Variants in PHYHIPL observed in about 807,000 individuals in gnomAD.
PHYHIPL encodes the protein phytanoyl-CoA hydroxylase-interacting protein-like.
In PHYHIPL, 9 loss-of-function variants were observed where a neutral mutation model predicts 33.4. The observed-to-expected ratio is 0.27, with a 90% CI of 0.16 to 0.47. The LOEUF (loss-of-function observed/expected upper bound fraction) is 0.47. Ranked by LOEUF, PHYHIPL falls within the 20% of genes least tolerant of loss-of-function variation. The probability of loss-of-function intolerance (pLI) is 0.99; values close to 1 mark genes in which losing one functional copy is unlikely to be tolerated. For synonymous variants in PHYHIPL, 153 were observed against 154.1 expected, an observed-to-expected ratio of 0.99 and a Z score of 0.05; for missense variants, 365 against 460.7, an observed-to-expected ratio of 0.79 and a Z score of 1.90.
At position 59,176,707 on chromosome 10, in the gene PHYHIPL, C is replaced by A. The variant is rs530238762; in HGVS notation, c.-147C>A. On this transcript the variant is annotated 5_prime_UTR_variant, in exon 1 of 5. Transcript: ENST00000373880. Reference sequence around the variant, plus strand: ...CCTTCGCGGCGGCTCTCCAGCCCCGCGCCTCAGCCTCGGCGCCGCATCACC... The same window carrying A: ...CCTTCGCGGCGGCTCTCCAGCCCCGAGCCTCAGCCTCGGCGCCGCATCACC... The A allele has an allele frequency of 1.4e-6, 1 of 689,740 alleles. No homozygotes were observed. Among genetic ancestry groups the A allele is most frequent in the Non-Finnish European group, 2.4e-6 (1 of 423,082 alleles). The allele number at this position is 689,740 out of a possible 1,614,324, so 42.7% of individuals were successfully genotyped here.
chr10:59,236,210 A>G (rs1256853150), intron 2 of PHYHIPL, among the ~76,000 whole-genome samples: 2 of 151,930 alleles, frequency 1.3e-5, no homozygotes, highest in African/African-American at 2.4e-5. Flanking sequence ...AAGAGATTTA[A>G]ATATAATAAT....
intron 1 of PHYHIPL, among the ~76,000 whole-genome samples, chr10:59,186,752 T>G (rs1178402413): frequency 2.0e-5 from 3 of 152,214 alleles, no homozygotes; most frequent in Non-Finnish European, 4.4e-5. Flanking sequence ...ACTCATGATT[T>G]GGCTCTCTGT....
chr10:59,238,048 C>T (rs1358322237), intron 3 of PHYHIPL, among the ~76,000 whole-genome samples: 1 of 151,758 alleles, frequency 6.6e-6, no homozygotes, highest in Non-Finnish European at 1.5e-5. Context: ...AAATGTTTCC[C>T]TAGTTTCTGG....
intron 1 of PHYHIPL, among the ~76,000 whole-genome samples, chr10:59,224,460 C>CAA (rs1839864003): frequency 7.4e-6 from 1 of 134,718 alleles, no homozygotes; most frequent in South Asian, 2.4e-4. Flanking sequence ...CTCAAGGAAA[C>CAA]AAAACAAAAC....
At position 59,246,549 on chromosome 10, in the gene PHYHIPL, T is replaced by A; in HGVS notation, c.*958T>A. On this transcript the variant is annotated 3_prime_UTR_variant, in exon 5 of 5. Transcript: ENST00000373880. ...AAAATGTTGACCTTTTACTTCCTTT[T>A]ACAAAAATGAAAATAATAAACATGT... 2.5e-6 allele frequency: 1 copy of A among 395,114 alleles called. No individual in the cohort carries two copies. Among genetic ancestry groups the A allele is most frequent in the Non-Finnish European group, 4.5e-6 (1 of 223,586 alleles). 24.5% of individuals were successfully genotyped at this position (395,114 alleles called of 1,614,324 possible).
intron 3 of PHYHIPL, among the ~76,000 whole-genome samples, chr10:59,238,255 G>T (rs187119819): frequency 6.6e-6 from 1 of 151,834 alleles, no homozygotes; most frequent in African/African-American, 2.4e-5. Flanking sequence ...TTTATCAACT[G>T]GTTGAAGAAA....
intron 1 of PHYHIPL, among the ~76,000 whole-genome samples, chr10:59,187,491 G>A (rs1278830213): frequency 6.6e-6 from 1 of 152,178 alleles, no homozygotes; most frequent in Non-Finnish European, 1.5e-5. Flanking sequence ...AAATGAGTTA[G>A]GGAGGATTCC....
intron 1 of PHYHIPL, among the ~76,000 whole-genome samples, chr10:59,200,823 A>G (rs1194974769): frequency 6.6e-6 from 1 of 152,132 alleles, no homozygotes; most frequent in African/African-American, 2.4e-5. Flanking sequence ...CATTTCTCCT[A>G]GATTTTCGAG....
chr10:59,206,745 A>AT (rs559358224), intron 1 of PHYHIPL: 1 of 1,212,508 alleles, frequency 8.2e-7, no homozygotes. Context: ...TTTCTTTTTT[A>AT]TTTTTTAGTT....
intron 1 of PHYHIPL, among the ~76,000 whole-genome samples, chr10:59,233,671 C>A (rs2133284396): frequency 6.6e-6 from 1 of 151,840 alleles, no homozygotes; most frequent in South Asian, 2.1e-4. Context: ...CATATAAATT[C>A]TTCAAGATTT....
chr10:59,173,819 G>C (rs1450813895), upstream of PHYHIPL, among the ~76,000 whole-genome samples: 2 of 150,910 alleles, frequency 1.3e-5, no homozygotes, highest in Admixed American at 6.6e-5. Context: ...TATAACCCAC[G>C]TTGGGGAACA....
Position 59,176,748 on chromosome 10 carries a change from T to C in PHYHIPL, c.-106T>C. 1 of 1,055,668 alleles carries C rather than the reference T, an allele frequency of 9.5e-7. No homozygotes were observed. The highest frequency in any genetic ancestry group is 2.7e-5 in the East Asian group (1 of 37,666). The allele number at this position is 1,055,668 out of a possible 1,614,324, so 65.4% of individuals were successfully genotyped here. A position where few individuals can be genotyped will look rare whatever the true frequency, so the allele number is the denominator to read the frequency against. On this transcript the variant is annotated 5_prime_UTR_variant, in exon 1 of 5. Coordinates refer to ENST00000373880, the MANE Select transcript of PHYHIPL (RefSeq NM_032439.4). Reference sequence around the variant, plus strand: ...CCGCATCACCGCGTCCCAGGCCTCCTTCCCTCCCTCTGCCACTCCCCCTCC... The same window carrying C: ...CCGCATCACCGCGTCCCAGGCCTCCCTCCCTCCCTCTGCCACTCCCCCTCC...
At chr10:59,195,254 C>T (rs1320251278) in intron 1 of PHYHIPL, among the ~76,000 whole-genome samples, 1 of 152,122 alleles carries the variant, frequency 6.6e-6, no homozygotes, top group African/African-American at 2.4e-5. Context: ...AATGTCTTTC[C>T]TTCTCATCTT....
At chr10:59,224,794 A>C (rs1016240152) in intron 1 of PHYHIPL, among the ~76,000 whole-genome samples, 1 of 152,170 alleles carries the variant, frequency 6.6e-6, no homozygotes, top group Admixed American at 6.5e-5. Context: ...AAATCAAAAC[A>C]ATTCTCTTAT....
intron 1 of PHYHIPL, among the ~76,000 whole-genome samples, chr10:59,229,243 A>G (rs1840010389): frequency 6.6e-6 from 1 of 152,134 alleles, no homozygotes; most frequent in African/African-American, 2.4e-5. Flanking sequence ...AAGAACTTTG[A>G]TAGTTAGTTT....
chr10:59,241,494 C>G (rs1318567630), intron 4 of PHYHIPL, among the ~76,000 whole-genome samples: 1 of 152,054 alleles, frequency 6.6e-6, no homozygotes, highest in African/African-American at 2.4e-5. Flanking sequence ...CTTAAAACTC[C>G]TTTTATATCT....
At chr10:59,200,537 G>A (rs1384057576) in intron 1 of PHYHIPL, among the ~76,000 whole-genome samples, 1 of 152,088 alleles carries the variant, frequency 6.6e-6, no homozygotes, top group Non-Finnish European at 1.5e-5. Flanking sequence ...TTTTGTCTCT[G>A]CCAGGCTTTG....
chr10:59,194,082 T>G (rs989715490), intron 1 of PHYHIPL, among the ~76,000 whole-genome samples: 3 of 141,662 alleles, frequency 2.1e-5, no homozygotes, highest in African/African-American at 7.9e-5. Context: ...ACCTATATGT[T>G]TTTTTTTTTT....
chr10:59,182,078 A>G (rs138252378), intron 1 of PHYHIPL, among the ~76,000 whole-genome samples: 55 of 152,294 alleles, frequency 3.6e-4, no homozygotes, highest in African/African-American at 1.2e-3. Context: ...GATTACTTTT[A>G]TATTTCATCC....
Sources: gnomAD v4.1 joint callset for allele counts (sites outside exome capture counted in the v4.1 genomes callset) on GRCh38, gnomAD v4.1.1 for gene constraint, MANE v1.5 for transcripts, NCBI Gene and HGNC (gene_info 2026-07-23, HGNC 2026-07-21) for gene names.